The following MAPKAPK5 variants were observed in gnomAD, a reference collection of about 807,000 sequenced individuals.
MAPKAPK5 encodes the protein MAPK activated protein kinase 5.
Under a neutral mutation model 65.1 loss-of-function variants are expected in MAPKAPK5, and 30 were observed. That is an observed-to-expected ratio of 0.46 (90% confidence interval 0.34 to 0.63). MAPKAPK5 has a LOEUF of 0.63. MAPKAPK5 is among the 20% of genes least tolerant of loss of function. The probability of loss-of-function intolerance (pLI) is 0.01; values close to 1 mark genes in which losing one functional copy is unlikely to be tolerated. For synonymous variants in MAPKAPK5, 179 were observed against 204.6 expected (o/e 0.87, Z 1.07); for missense variants, 433 against 581.4 (o/e 0.74, Z 2.63).
chr12:111,859,267 T>G (rs2069346907), intron 1 of MAPKAPK5, among the ~76,000 whole-genome samples: 1 of 148,638 alleles, frequency 6.7e-6, no homozygotes. Flanking sequence ...CTAATGTCTC[T>G]GCTTAGTTTT....
rs2070867480 is a variant in MAPKAPK5, at chr12:111,897,625, A to G, written c.*4564A>G. On this transcript the variant is annotated 3_prime_UTR_variant, in exon 14 of 14. Coordinates refer to ENST00000550735, the MANE Select transcript of MAPKAPK5 (RefSeq NM_003668.4). ...AAGAAGCTTTGCGCTTACATAAATC[A>G]CAAGAAATACAGCTGGAAATCATTT... The G allele has an allele frequency of 6.6e-6, 1 of 152,228 alleles. No individual in the cohort carries two copies. Among genetic ancestry groups the G allele is most frequent in the South Asian group, 2.1e-4 (1 of 4,834 alleles). The allele number at this position is 152,228 out of a possible 1,614,324, so 9.4% of individuals were successfully genotyped here.
intron 10 of MAPKAPK5, chr12:111,887,658 G>A (rs140404125): frequency 6.9e-6 from 1 of 145,484 alleles, no homozygotes; most frequent in Non-Finnish European, 1.5e-5. Context: ...CTGGGAGACA[G>A]AGCAAGACTC....
chr12:111,890,259 G>A, intron 13 of MAPKAPK5, 115 bp downstream of exon 13: 2 of 742,022 alleles, frequency 2.7e-6, no homozygotes, highest in Middle Eastern at 2.4e-4. Context: ...AGTGAGGCTG[G>A]CTGGAGAGTG....
intron 1 of MAPKAPK5, among the ~76,000 whole-genome samples, chr12:111,845,651 G>A (rs1437482869): frequency 6.6e-6 from 1 of 152,188 alleles, no homozygotes; most frequent in Admixed American, 6.5e-5. Context: ...GCCAGGCACG[G>A]TGGCTCACAC....
At chr12:111,887,403 G>T (rs970827188) in intron 10 of MAPKAPK5, among the ~76,000 whole-genome samples, 1 of 152,202 alleles carries the variant, frequency 6.6e-6, no homozygotes, top group Non-Finnish European at 1.5e-5. Flanking sequence ...CAGGCATGGT[G>T]GCTTACGCCT....
intron 7 of MAPKAPK5, among the ~76,000 whole-genome samples, chr12:111,871,704 A>G (rs917224198): frequency 2.0e-5 from 3 of 152,224 alleles, no homozygotes; most frequent in African/African-American, 7.2e-5. Context: ...TATGATTTAC[A>G]TACAGTAAAA....
intron 1 of MAPKAPK5, among the ~76,000 whole-genome samples, chr12:111,857,373 C>G (rs1416994285): frequency 6.6e-6 from 1 of 152,010 alleles, no homozygotes; most frequent in African/African-American, 2.4e-5. Flanking sequence ...TCCGTAGTAG[C>G]TGGGAATACA....
chr12:111,888,946 G>A lies in MAPKAPK5; in HGVS notation c.1162G>A (p.Val388Ile), dbSNP rs766595699. 1.2e-6 allele frequency: 2 copies of A among 1,611,628 alleles called. No homozygotes were observed. The highest frequency in any genetic ancestry group is 8.5e-7 in the Non-Finnish European group (1 of 1,179,010). Reference protein sequence around the residue: ...DHENGAEDSNVALEKLRDVIA... With the variant: ...DHENGAEDSNIALEKLRDVIA... Reference sequence around the variant, plus strand: ...TGAGAATGGAGCCGAGGATTCCAATGTTGCCTTGGAAAAACTCCGAGATGT... The same window carrying A: ...TGAGAATGGAGCCGAGGATTCCAATATTGCCTTGGAAAAACTCCGAGATGT... The change falls in exon 12 of 14, where the codon GTT becomes ATT. Residue 388 changes from valine (V) to isoleucine (I), a missense_variant. Transcript: ENST00000550735.
In MAPKAPK5 at chr12:111,895,371, G is replaced by A. The variant is rs2070767554; in HGVS notation, c.*2310G>A. The A allele has an allele frequency of 6.6e-6, 1 of 152,008 alleles. No homozygotes were observed. Among genetic ancestry groups the A allele is most frequent in the Admixed American group, 6.6e-5 (1 of 15,250 alleles). The allele number at this position is 152,008 out of a possible 1,614,324, so 9.4% of individuals were successfully genotyped here. On this transcript the variant is annotated 3_prime_UTR_variant, in exon 14 of 14. Transcript: ENST00000550735. ...CCACCTCAGCCTCCAAAAGTGCTGGGATTACAGGTGTGAGCCACTGCACCC... is the reference window on the plus strand; with the variant it reads ...CCACCTCAGCCTCCAAAAGTGCTGGAATTACAGGTGTGAGCCACTGCACCC...
rs1293640897 is a variant in MAPKAPK5 at position 111,893,843 on chromosome 12, G to GTACT, written c.*784_*785insCTTA. 1 of 151,550 alleles carries GTACT rather than the reference G, an allele frequency of 6.6e-6. No individual in the cohort carries two copies. The highest frequency in any genetic ancestry group is 1.5e-5 in the Non-Finnish European group (1 of 68,122). The allele number at this position is 151,550 out of a possible 1,614,324, so 9.4% of individuals were successfully genotyped here. On this transcript the variant is annotated 3_prime_UTR_variant, in exon 14 of 14. Transcript: ENST00000550735. ...TGATCCTCCCACATCAGCCTCCCAA[G>GTACT]TAGCTGGGATTACAGGTGCCCGCCA...
chr12:111,859,721 C>T (rs1289788229), intron 1 of MAPKAPK5, among the ~76,000 whole-genome samples: 3 of 150,904 alleles, frequency 2.0e-5, no homozygotes, highest in Non-Finnish European at 4.4e-5. Context: ...ATGATCTCAG[C>T]TCACTGCAGC....
At position 111,842,300 on chromosome 12, in the gene MAPKAPK5, G is replaced by GCTTCGC. The variant is rs1258055214; in HGVS notation, c.-433_-428dup. 2 of 150,532 alleles carry GCTTCGC rather than the reference G, an allele frequency of 1.3e-5. No homozygotes were observed. The highest frequency in any genetic ancestry group is 6.7e-5 in the Admixed American group (1 of 15,008). 9.3% of individuals were successfully genotyped at this position (150,532 alleles called of 1,614,324 possible). A position where few individuals can be genotyped will look rare whatever the true frequency, so the allele number is the denominator to read the frequency against. ...GAGCTCTGCTTCGGCTTCGGCTTCG[G>GCTTCGC]CTTCGCGGCGGTGCAGGCGGCGGAG... On this transcript the variant is annotated 5_prime_UTR_variant, in exon 1 of 14. Transcript: ENST00000550735.
chr12:111,844,305 C>T (rs896358517), intron 1 of MAPKAPK5, among the ~76,000 whole-genome samples: 1 of 152,064 alleles, frequency 6.6e-6, no homozygotes, highest in Non-Finnish European at 1.5e-5. Flanking sequence ...ATTCTCCTGC[C>T]TCAGCCTCCC....
At chr12:111,847,475 T>C (rs184586121) in intron 1 of MAPKAPK5, among the ~76,000 whole-genome samples, 1 of 152,290 alleles carries the variant, frequency 6.6e-6, no homozygotes, top group Admixed American at 6.5e-5. Context: ...CCCAAGGCAC[T>C]TAGCTAAATC....
intron 9 of MAPKAPK5, among the ~76,000 whole-genome samples, chr12:111,884,026 G>A (rs925134864): frequency 7.9e-5 from 12 of 152,198 alleles, no homozygotes; most frequent in Non-Finnish European, 1.6e-4. Flanking sequence ...GGCAGTCTCT[G>A]CACATTAATT....
chr12:111,848,735 T>A (rs1160635968), intron 1 of MAPKAPK5, among the ~76,000 whole-genome samples: 1 of 151,538 alleles, frequency 6.6e-6, no homozygotes, highest in Non-Finnish European at 1.5e-5. Flanking sequence ...TTAGAATTGC[T>A]TTTTTTTGTT....
intron 1 of MAPKAPK5, among the ~76,000 whole-genome samples, 187 bp from the exon 2 acceptor site, chr12:111,865,063 A>G (rs765887282): frequency 6.6e-6 from 1 of 152,226 alleles, no homozygotes; most frequent in African/African-American, 2.4e-5. Flanking sequence ...AAATTGGGAA[A>G]CAATGTCTGA....
chr12:111,900,370 G>C lies in MAPKAPK5; in HGVS notation c.*7309G>C. 2.2e-6 allele frequency: 1 copy of C among 456,022 alleles called. No individual in the cohort carries two copies. Among genetic ancestry groups the C allele is most frequent in the South Asian group, 1.5e-5 (1 of 64,540 alleles). 28.2% of individuals were successfully genotyped at this position (456,022 alleles called of 1,614,324 possible). On this transcript the variant is annotated 3_prime_UTR_variant, in exon 14 of 14. Coordinates refer to ENST00000550735, the MANE Select transcript of MAPKAPK5 (RefSeq NM_003668.4). ...GCAGCCCTGATGGCCCATGAGCTCG[G>C]GCACAACCTGGGTATTCAGCACGAC...
intron 6 of MAPKAPK5, 117 bp from the exon 7 acceptor site, chr12:111,870,968 G>C: frequency 1.5e-6 from 1 of 688,134 alleles, no homozygotes; most frequent in Non-Finnish European, 2.5e-6. Flanking sequence ...TCATAAGTTC[G>C]CATCTCAGCT....
Sources: gnomAD v4.1 joint callset for allele counts (sites outside exome capture counted in the v4.1 genomes callset) on GRCh38, gnomAD v4.1.1 for gene constraint, MANE v1.5 for transcripts, NCBI Gene and HGNC (gene_info 2026-07-23, HGNC 2026-07-21) for gene names.